Variants in PIEZO2 observed in about 807,000 individuals in gnomAD.
PIEZO2 encodes the protein piezo type mechanosensitive ion channel component 2, also known as piezo-type mechanosensitive ion channel component 2.
In PIEZO2, 172 loss-of-function variants were observed where a neutral mutation model predicts 337.3. The observed-to-expected ratio is 0.51, with a 90% confidence interval of 0.45 to 0.58. The LOEUF (loss-of-function observed/expected upper bound fraction) is 0.58. Ranked by LOEUF, PIEZO2 falls within the 20% of genes least tolerant of loss-of-function variation. PIEZO2 has a pLI of 0.00. For synonymous variants in PIEZO2, 1,251 were observed against 1,228.5 expected (o/e 1.02, Z -0.38); for missense variants, 3,028 against 3,391.3 (o/e 0.89, Z 2.66).
Position 11,002,241 on chromosome 18 carries a change from C to T in PIEZO2, c.161-22581G>A, listed in dbSNP as rs748172337. On this transcript the variant is annotated intron_variant, in intron 2 of 55. Coordinates refer to ENST00000674853, the MANE Select transcript of PIEZO2 (RefSeq NM_001378183.1). The surrounding 1 kb of genome is among the most constrained non-coding windows in gnomAD (Gnocchi z 4.3). ...CTTGATTTTTTCAACCATTTACATT[C>T]GCTCCTAGGTCATACAAAATACAGC... Among the ~76,000 whole-genome samples, 9 of 152,144 alleles carry T rather than the reference C, an allele frequency of 5.9e-5. No homozygotes were observed. The highest frequency in any genetic ancestry group is 1.3e-4 in the Non-Finnish European group (9 of 68,030).
rs1008182923 is a variant in PIEZO2, at chr18:10,850,298, G to A, written c.917+5055C>T. ...TAGAGAAAAATGAAACTCCAGCCCT[G>A]TGCCACACATCGGCGTGGAATTTCA... On this transcript the variant is annotated intron_variant, in intron 7 of 55. Coordinates refer to ENST00000674853, the MANE Select transcript of PIEZO2 (RefSeq NM_001378183.1). This position sits in a 1 kb window ranked among gnomAD's most constrained non-coding sequence, Gnocchi z 4.5. Among the ~76,000 whole-genome samples, 19 of 152,152 alleles carry A rather than the reference G, an allele frequency of 1.2e-4. No individual in the cohort carries two copies. Among genetic ancestry groups the A allele is most frequent in the African/African-American group, 4.3e-4 (18 of 41,432 alleles).
intron 1 of PIEZO2, among the ~76,000 whole-genome samples, chr18:11,141,848 A>G (rs907330916): frequency 1.3e-5 from 2 of 152,212 alleles, no homozygotes; most frequent in African/African-American, 4.8e-5. Flanking sequence ...TGAAGAGAGC[A>G]GTGAAGATCT....
intron 49 of PIEZO2, among the ~76,000 whole-genome samples, chr18:10,683,466 T>C (rs1320215405): frequency 2.0e-5 from 3 of 152,326 alleles, no homozygotes; most frequent in South Asian, 4.1e-4. Flanking sequence ...GAAGTTCAGA[T>C]GGTAGCAGTG....
intron 1 of PIEZO2, among the ~76,000 whole-genome samples, chr18:11,142,518 C>T (rs573525293): frequency 6.6e-6 from 1 of 152,186 alleles, no homozygotes; most frequent in African/African-American, 2.4e-5. Context: ...CAGTGGCTCA[C>T]GCCTGTAATC....
intron 3 of PIEZO2, among the ~76,000 whole-genome samples, chr18:10,951,073 C>T (rs1266659986): frequency 6.6e-6 from 1 of 152,136 alleles, no homozygotes; most frequent in Non-Finnish European, 1.5e-5. Context: ...CTCTGCAAGT[C>T]CAGGTGCTGA....
At chr18:10,937,957 G>C (rs1373827811) in intron 3 of PIEZO2, among the ~76,000 whole-genome samples, 1 of 152,210 alleles carries the variant, frequency 6.6e-6, no homozygotes, top group African/African-American at 2.4e-5. Flanking sequence ...GAACGGAGTA[G>C]AGATGAGAGA....
intron 2 of PIEZO2, among the ~76,000 whole-genome samples, chr18:11,057,482 G>A (rs767022058): frequency 2.3e-4 from 35 of 152,170 alleles, no homozygotes; most frequent in Admixed American, 1.4e-3. Context: ...CAACAGTATT[G>A]TAAAGTGATT....
At chr18:10,740,954 C>T (rs1236693727) in intron 33 of PIEZO2, 77 bp downstream of exon 33, 2 of 1,399,814 alleles carry the variant, frequency 1.4e-6, no homozygotes, top group East Asian at 2.5e-5. Flanking sequence ...ACACATGGGT[C>T]ACGGGAACGC....
At chr18:10,890,752 T>C (rs2042732040) in intron 4 of PIEZO2, 1 of 151,532 alleles carries the variant, frequency 6.6e-6, no homozygotes, top group East Asian at 1.9e-4. Context: ...ATCTGGGTGG[T>C]GACACAGCCA....
Position 10,704,595 on chromosome 18 carries a change from T to A in PIEZO2, c.6057A>T (p.Arg2019=), listed in dbSNP as rs1486774817. ...ESEKFYVGQP[R]FLLLFYAMYN... is the part of the protein sequence containing the mutation. ...ACATGGCATAGAAGAGCAGCAGAAA[T>A]CGGGGCTGCCCCACGTAGAATTTCT... The change falls in exon 42 of 56, where the codon CGA becomes CGT. Residue 2019 remains arginine (R), a synonymous_variant. Coordinates refer to ENST00000674853, the MANE Select transcript of PIEZO2 (RefSeq NM_001378183.1). 2.2e-5 allele frequency: 34 copies of A among 1,537,168 alleles called. No individual in the cohort carries two copies. Among genetic ancestry groups the A allele is most frequent in the Non-Finnish European group, 2.9e-5 (33 of 1,146,926 alleles).
At chr18:10,839,321 T>C (rs746041049) in intron 7 of PIEZO2, among the ~76,000 whole-genome samples, 1 of 152,202 alleles carries the variant, frequency 6.6e-6, no homozygotes, top group East Asian at 1.9e-4. Flanking sequence ...GACTCACTTA[T>C]TAATTTGTCC....
rs1436677241 is a variant in PIEZO2, at chr18:10,847,857, T to G, written c.917+7496A>C. Among the ~76,000 whole-genome samples, 1 of 152,234 alleles carries G rather than the reference T, an allele frequency of 6.6e-6. No homozygotes were observed. The highest frequency in any genetic ancestry group is 2.4e-5 in the African/African-American group (1 of 41,460). ...AAATTAAACACTAGAGATTAACTGC[T>G]GCCAATGCCATCTTCTAACAAAAAG... On this transcript the variant is annotated intron_variant, in intron 7 of 55. Transcript: ENST00000674853. This position sits in a 1 kb window ranked among gnomAD's most constrained non-coding sequence, Gnocchi z 5.7.
At chr18:11,133,373 G>A (rs1485480351) in intron 1 of PIEZO2, among the ~76,000 whole-genome samples, 2 of 152,134 alleles carry the variant, frequency 1.3e-5, no homozygotes, top group Non-Finnish European at 1.5e-5. Context: ...CAGGAAATGT[G>A]TATGGGTTCA....
rs541187745 is a variant in PIEZO2, at chr18:11,007,042, C to T, written c.161-27382G>A. On this transcript the variant is annotated intron_variant, in intron 2 of 55. Coordinates refer to ENST00000674853, the MANE Select transcript of PIEZO2 (RefSeq NM_001378183.1). ...TTGAATTGGGAACATTTCAAAACTA[C>T]TCCTCTATTTATTTTGAGGTATACA... is the stretch of plus-strand genomic sequence containing the variant. 2.0e-5 allele frequency among the ~76,000 whole-genome samples: 3 copies of T among 152,260 alleles called. No individual in the cohort carries two copies. The South Asian group carries it at 6.2e-4, about 32-fold the overall frequency.
At chr18:10,898,369 C>T (rs987378551) in intron 4 of PIEZO2, among the ~76,000 whole-genome samples, 61 of 151,594 alleles carry the variant, frequency 4.0e-4, no homozygotes, top group African/African-American at 1.1e-3. Flanking sequence ...TGCAGTGAGC[C>T]GAAATTGCGC....
chr18:10,757,787 A>G (rs1426166277), intron 27 of PIEZO2, among the ~76,000 whole-genome samples, 182 bp downstream of exon 27: 1 of 152,060 alleles, frequency 6.6e-6, no homozygotes, highest in Non-Finnish European at 1.5e-5. Flanking sequence ...AAGCAGGTGC[A>G]GTGCTATAAT....
chr18:11,081,798 C>T (rs534304003), intron 1 of PIEZO2, among the ~76,000 whole-genome samples: 21 of 148,376 alleles, frequency 1.4e-4, no homozygotes, highest in African/African-American at 4.5e-4. Context: ...CTTGCTCTGT[C>T]GCCCAGGCTG....
chr18:10,998,101 A>G (rs1318649004), intron 2 of PIEZO2, among the ~76,000 whole-genome samples: 2 of 152,192 alleles, frequency 1.3e-5, no homozygotes, highest in Non-Finnish European at 2.9e-5. Context: ...ATACAGTGGA[A>G]CAATATCTTT....
chr18:11,106,605 G>A (rs1474554771), intron 1 of PIEZO2, among the ~76,000 whole-genome samples: 6 of 151,904 alleles, frequency 3.9e-5, no homozygotes, highest in Non-Finnish European at 8.8e-5. Context: ...GTAAAGAAGA[G>A]GTCTCATTAT....
Sources: gnomAD v4.1 joint callset for allele counts (sites outside exome capture counted in the v4.1 genomes callset) on GRCh38, gnomAD v4.1.1 for gene constraint, Gnocchi (gnomAD v3.1) non-coding constraint, MANE v1.5 for transcripts, NCBI Gene and HGNC (gene_info 2026-07-23, HGNC 2026-07-21) for gene names.